The following RNF115 variants were observed in gnomAD, a reference collection of about 807,000 sequenced individuals.
RNF115 encodes E3 ubiquitin-protein ligase RNF115.
In RNF115, 31 loss-of-function variants were observed where a neutral mutation model predicts 39.2. The ratio of observed to expected loss-of-function variants is 0.79; its 90% CI spans 0.59 to 1.07. The LOEUF (loss-of-function observed/expected upper bound fraction) is 1.07, where lower values mean the gene tolerates loss of function less well. RNF115 is among the 50% of genes least tolerant of loss of function. The pLI is 0.00. For missense variants in RNF115, 384 were observed against 381.7 expected, an observed-to-expected ratio of 1.01 and a Z score of -0.05; for synonymous variants, 124 against 131.0, an observed-to-expected ratio of 0.95 and a Z score of 0.37.
Position 145,779,332 on chromosome 1 carries a change from A to C in RNF115, c.219+5207T>G, listed in dbSNP as rs141428715. The stretch of plus-strand genomic sequence containing the variant: ...TGGGACTACACACATATGCCACTAC[A>C]CCTGGCTTTTTATTTTTATTTTTGT... On this transcript the variant is annotated intron_variant, in intron 3 of 8. Coordinates refer to ENST00000582693, the MANE Select transcript of RNF115 (RefSeq NM_014455.4). Among the ~76,000 whole-genome samples the C allele has an allele frequency of 1.2e-4, 18 of 151,986 alleles. 1 individual carries two copies. In the East Asian group the frequency reaches 3.5e-3, roughly 30 times the overall value.
chr1:145,778,190 C>A (rs587638490), intron 3 of RNF115, among the ~76,000 whole-genome samples: 1 of 152,228 alleles, frequency 6.6e-6, no homozygotes, highest in Admixed American at 6.5e-5. Context: ...CATGGATGAA[C>A]CTTGAAAACA....
intron 7 of RNF115, 31 bp downstream of exon 7, chr1:145,750,376 G>T: frequency 6.6e-7 from 1 of 1,506,380 alleles, no homozygotes; most frequent in Non-Finnish European, 9.2e-7. Flanking sequence ...GAGATCAGAA[G>T]ATGACAGAAT....
At position 145,752,585 on chromosome 1, in the gene RNF115, C is replaced by CTTTTTTTTTTTTTTT. The variant is rs60257682; in HGVS notation, c.500+378_500+392dup. Among the ~76,000 whole-genome samples, 156 of 83,760 alleles carry CTTTTTTTTTTTTTTT rather than the reference C, an allele frequency of 1.9e-3. 29 individuals are homozygous for CTTTTTTTTTTTTTTT. Among genetic ancestry groups the CTTTTTTTTTTTTTTT allele is most frequent in the African/African-American group, 8.8e-3 (154 of 17,418 alleles). The allele number at this position is 83,760 out of a possible 152,430, so 54.9% of individuals were successfully genotyped here. A position where few individuals can be genotyped will look rare whatever the true frequency, so the allele number is the denominator to read the frequency against. ...CATCTACATACTCACCTATGCAGCT[C>CTTTTTTTTTTTTTTT]TTTTTTTTTTTTTTTTTTTTTGAGA... On this transcript the variant is annotated intron_variant, in intron 5 of 8. Coordinates refer to ENST00000582693, the MANE Select transcript of RNF115 (RefSeq NM_014455.4).
At position 145,748,100 on chromosome 1, in the gene RNF115, T is replaced by C. The variant is rs1473015292; in HGVS notation, c.678A>G (p.Leu226=). 1 of 1,610,806 alleles carries C rather than the reference T, an allele frequency of 6.2e-7. No homozygotes were observed. The highest frequency in any genetic ancestry group is 8.5e-7 in the Non-Finnish European group (1 of 1,177,152). ...AATCTTCTTTGCATACTGGACACTC[T>C]AAACCCATATCTGTTGAAGAAGGAA... ...TVTQEQVDMG[L]ECPVCKEDYT... The change falls in exon 8 of 9, where the codon TTA becomes TTG. Residue 226 remains leucine, a synonymous_variant. Transcript: ENST00000582693.
chr1:145,754,604 T>C (rs1658228869), intron 4 of RNF115, among the ~76,000 whole-genome samples: 1 of 152,250 alleles, frequency 6.6e-6, no homozygotes, highest in Non-Finnish European at 1.5e-5. Context: ...CCCAAAGTGC[T>C]GGGATTATAG....
chr1:145,758,604 C>T (rs188638419), intron 4 of RNF115, among the ~76,000 whole-genome samples: 1 of 152,312 alleles, frequency 6.6e-6, no homozygotes, highest in East Asian at 1.9e-4. Flanking sequence ...GGCAAATTAT[C>T]TTATGCTTAC....
intron 1 of RNF115, among the ~76,000 whole-genome samples, chr1:145,789,904 G>A (rs1648583009): frequency 6.6e-6 from 1 of 151,498 alleles, no homozygotes; most frequent in Admixed American, 6.6e-5. Flanking sequence ...CACCATGTTG[G>A]TCAGGCTGGT....
At chr1:145,782,353 G>A (rs1244362038) in intron 3 of RNF115, among the ~76,000 whole-genome samples, 1 of 152,152 alleles carries the variant, frequency 6.6e-6, no homozygotes, top group African/African-American at 2.4e-5. Flanking sequence ...CAGGCACAGT[G>A]ACACCTGCCT....
rs1657866408 is a variant in RNF115 at position 145,746,115 on chromosome 1, A to G, written c.*751T>C. On this transcript the variant is annotated 3_prime_UTR_variant, in exon 9 of 9. Coordinates refer to ENST00000582693, the MANE Select transcript of RNF115 (RefSeq NM_014455.4). ...GTAACAAATGCCTGTGGTCCCAGCT[A>G]CTCCGGAGGCTGAGGTAGGAGAATC... 1 of 151,420 alleles carries G rather than the reference A, an allele frequency of 6.6e-6. No homozygotes were observed. The highest frequency in any genetic ancestry group is 2.4e-5 in the African/African-American group (1 of 41,176). 9.4% of individuals were successfully genotyped at this position (151,420 alleles called of 1,614,324 possible). A position where few individuals can be genotyped will look rare whatever the true frequency, so the allele number is the denominator to read the frequency against.
At chr1:145,794,804 T>C (rs1267003943) in intron 1 of RNF115, among the ~76,000 whole-genome samples, 4 of 151,950 alleles carry the variant, frequency 2.6e-5, no homozygotes, top group African/African-American at 9.6e-5. Context: ...GATCACAAAG[T>C]CAGGAGATTG....
At chr1:145,811,810 C>CAGGAGGCAG (rs1649716648) in intron 1 of RNF115, among the ~76,000 whole-genome samples, 1 of 80,858 alleles carries the variant, frequency 1.2e-5, no homozygotes, top group Non-Finnish European at 2.5e-5. Context: ...TTGAAGCACC[C>CAGGAGGCAG]AGGAGGCAGA....
At chr1:145,751,593 C>T in intron 5 of RNF115, 83 bp from the exon 6 acceptor site, 1 of 849,980 alleles carries the variant, frequency 1.2e-6, no homozygotes, top group Non-Finnish European at 1.9e-6. Context: ...GCAGAGGGAT[C>T]CTGTTCTCTC....
Position 145,823,901 on chromosome 1 carries a change from A to G in RNF115, c.-28T>C, listed in dbSNP as rs1424818587. The G allele has an allele frequency of 8.1e-6, 12 of 1,474,514 alleles. No homozygotes were observed. The highest frequency in any genetic ancestry group is 1.1e-5 in the Non-Finnish European group (12 of 1,106,408). The allele number at this position is 1,474,514 out of a possible 1,614,324, so 91.3% of individuals were successfully genotyped here. A position where few individuals can be genotyped will look rare whatever the true frequency, so the allele number is the denominator to read the frequency against. On this transcript the variant is annotated 5_prime_UTR_variant, in exon 1 of 9. Transcript: ENST00000582693. Reference sequence around the variant, plus strand: ...TTGCCCTCCGCCGCGGCCGTCCGAGAGGGCAGCCGGCCCGTCCCTCGCCAG... The same window carrying G: ...TTGCCCTCCGCCGCGGCCGTCCGAGGGGGCAGCCGGCCCGTCCCTCGCCAG...
chr1:145,747,986 T>C lies in RNF115; in HGVS notation c.783+9A>G, dbSNP rs80314439. On this transcript the variant is annotated intron_variant, in intron 8 of 8. Transcript: ENST00000582693. ...ATCCCCCAAAGAAGCCATGACTTGC[T>C]GTACTCACCAGTTCTAGCCACGGCA... The C allele has an allele frequency of 0.04, 62,428 of 1,578,780 alleles. 1,473 individuals carry two copies. The highest frequency in any genetic ancestry group is 0.047 in the Non-Finnish European group (53,466 of 1,147,878).
At chr1:145,785,621 A>C (rs1309121986) in intron 2 of RNF115, among the ~76,000 whole-genome samples, 14 of 152,166 alleles carry the variant, frequency 9.2e-5, no homozygotes, top group Non-Finnish European at 2.1e-4. Flanking sequence ...CAAACATACA[A>C]ACACTCACCC....
At position 145,814,926 on chromosome 1, in the gene RNF115, AC is replaced by A. The variant is rs1309908340; in HGVS notation, c.102+8845del. Among the ~76,000 whole-genome samples, 6 of 135,838 alleles carry A rather than the reference AC, an allele frequency of 4.4e-5. No individual in the cohort carries two copies. In the East Asian group the frequency reaches 1.0e-3, roughly 23 times the overall value. 89.1% of individuals were successfully genotyped at this position (135,838 alleles called of 152,430 possible). On this transcript the variant is annotated intron_variant, in intron 1 of 8. Transcript: ENST00000582693. ...AAGGCGTCAAAACACTGAAGTCATC[AC>A]TTTTTAAATATAATTACTGGGTGTT...
In RNF115 at chr1:145,742,060, G is replaced by C. The variant is rs1357107419; in HGVS notation, c.*4806C>G. 1 of 152,238 alleles carries C rather than the reference G, an allele frequency of 6.6e-6. No homozygotes were observed. 9.4% of individuals were successfully genotyped at this position (152,238 alleles called of 1,614,324 possible). A position where few individuals can be genotyped will look rare whatever the true frequency, so the allele number is the denominator to read the frequency against. ...GGAGCGGGAGGTTGCAGTGACCTGA[G>C]ATCACGCCACTGCACTCCAGCCTGG... On this transcript the variant is annotated 3_prime_UTR_variant, in exon 9 of 9. Coordinates refer to ENST00000582693, the MANE Select transcript of RNF115 (RefSeq NM_014455.4).
chr1:145,775,256 C>T (rs1485641160), intron 3 of RNF115, among the ~76,000 whole-genome samples: 2 of 152,116 alleles, frequency 1.3e-5, no homozygotes, highest in East Asian at 3.8e-4. Flanking sequence ...TTCCTATACA[C>T]ACATACCTAC....
rs183145133 is a variant in RNF115 at position 145,763,365 on chromosome 1, C to T, written c.428+8346G>A. 1.2e-4 allele frequency among the ~76,000 whole-genome samples: 18 copies of T among 152,188 alleles called. 1 individual carries two copies. Among genetic ancestry groups the T allele is most frequent in the Non-Finnish European group, 2.5e-4 (17 of 67,996 alleles). Reference sequence around the variant, plus strand: ...CCAGGAAGGAGACTAAACTACCAAGCTAAAGTGTAACAAAAAAACAAAAGA... The same window carrying T: ...CCAGGAAGGAGACTAAACTACCAAGTTAAAGTGTAACAAAAAAACAAAAGA... On this transcript the variant is annotated intron_variant, in intron 4 of 8. Transcript: ENST00000582693.
Sources: allele counts gnomAD v4.1 joint callset (sites outside exome capture counted in the v4.1 genomes callset), GRCh38; gene constraint gnomAD v4.1.1; transcripts MANE v1.5; gene names NCBI Gene and HGNC (gene_info 2026-07-23, HGNC 2026-07-21).